Variants in ELAVL3 observed in about 807,000 individuals in gnomAD.
The protein encoded by ELAVL3 is ELAV-like protein 3.
ELAVL3 carries 8 observed loss-of-function variants against 34.2 expected under a neutral mutation model. That is an observed-to-expected ratio of 0.23 (90% CI 0.14 to 0.42). The LOEUF (loss-of-function observed/expected upper bound fraction) is 0.42, where lower values mean the gene tolerates loss of function less well. ELAVL3 is among the 10% of genes least tolerant of loss of function. The pLI is 1.00. For missense variants in ELAVL3, 273 were observed against 518.8 expected, an observed-to-expected ratio of 0.53 and a Z score of 4.60; for synonymous variants, 209 against 222.1, an observed-to-expected ratio of 0.94 and a Z score of 0.53.
rs374418771 is a variant in ELAVL3, at chr19:11,480,356, C to T, written c.9+244G>A. The stretch of plus-strand genomic sequence containing the variant: ...GGGGGCAATCCCGCCTCCAGGGCGG[C>T]GTCGGACGCCTCCCGAATCGCAGTC... On this transcript the variant is annotated intron_variant, in intron 1 of 6. Transcript: ENST00000359227. This position sits in a 1 kb window ranked among gnomAD's most constrained non-coding sequence, Gnocchi z 6.8. 5.1e-5 allele frequency: 21 copies of T among 408,376 alleles called. No homozygotes were observed. In the South Asian group the frequency reaches 1.3e-3, roughly 25 times the overall value. The allele number at this position is 408,376 out of a possible 1,614,324, so 25.3% of individuals were successfully genotyped here. A position where few individuals can be genotyped will look rare whatever the true frequency, so the allele number is the denominator to read the frequency against.
Position 11,461,343 on chromosome 19 carries a change from G to A in ELAVL3, c.334-2732C>T, listed in dbSNP as rs927925074. Among the ~76,000 whole-genome samples, 89 of 152,286 alleles carry A rather than the reference G, an allele frequency of 5.8e-4. 2 individuals are homozygous for A. Among genetic ancestry groups the A allele is most frequent in the Admixed American group, 5.8e-3 (89 of 15,286 alleles). On this transcript the variant is annotated intron_variant, in intron 3 of 6. Coordinates refer to ENST00000359227, the MANE Select transcript of ELAVL3 (RefSeq NM_001420.4). ...TTATCAATGTCCTGGAAGCATGGTA[G>A]GGAAGTCCACCTCTCAAATGCTCAG...
intron 1 of ELAVL3, among the ~76,000 whole-genome samples, chr19:11,467,779 T>C (rs1416712471): frequency 6.6e-6 from 1 of 150,882 alleles, no homozygotes; most frequent in East Asian, 2.0e-4. Context: ...CCACCGCGTC[T>C]GGCCCCATTT....
intron 3 of ELAVL3, among the ~76,000 whole-genome samples, chr19:11,460,938 G>T (rs1159982048): frequency 1.3e-5 from 2 of 149,852 alleles, no homozygotes; most frequent in African/African-American, 2.4e-5. Context: ...GATCAAGGGA[G>T]CCCAGGAGTT....
At chr19:11,470,559 C>A (rs1253681917) in intron 1 of ELAVL3, among the ~76,000 whole-genome samples, 1 of 151,358 alleles carries the variant, frequency 6.6e-6, no homozygotes, top group African/African-American at 2.4e-5. Flanking sequence ...TGTCTGTAAT[C>A]CCAGCTACTC....
rs749161940 is a variant in ELAVL3 at position 11,466,313 on chromosome 19, C to G, written c.230-38G>C. ...CCAGAATGATGACCTTCCCACCCAG[C>G]CTTGACACCTGCCAGTGTCCCACCT... On this transcript the variant is annotated intron_variant, in intron 2 of 6. Transcript: ENST00000359227. This position sits in a 1 kb window ranked among gnomAD's most constrained non-coding sequence, Gnocchi z 5.0. 5 of 1,579,072 alleles carry G rather than the reference C, an allele frequency of 3.2e-6. No homozygotes were observed. Among genetic ancestry groups the G allele is most frequent in the Non-Finnish European group, 4.4e-6 (5 of 1,148,774 alleles).
chr19:11,468,257 T>C (rs981497919), intron 1 of ELAVL3, among the ~76,000 whole-genome samples: 1 of 152,174 alleles, frequency 6.6e-6, no homozygotes, highest in Admixed American at 6.6e-5. Flanking sequence ...ACCCCCAGTT[T>C]TCCCACTGAG....
chr19:11,462,174 C>CAAAAAAA (rs775716481), intron 3 of ELAVL3, among the ~76,000 whole-genome samples: 3 of 73,702 alleles, frequency 4.1e-5, no homozygotes, highest in African/African-American at 9.2e-5. Flanking sequence ...GACTCCGTCT[C>CAAAAAAA]AAAAAAAAAA....
chr19:11,479,129 C>T (rs892444343), intron 1 of ELAVL3, among the ~76,000 whole-genome samples: 7 of 152,142 alleles, frequency 4.6e-5, no homozygotes, highest in East Asian at 1.9e-4. Flanking sequence ...ATGAGAGAAC[C>T]GATCAGAGGA....
Position 11,451,914 on chromosome 19 carries a change from ACGTG to A in ELAVL3, c.*2608_*2611del, listed in dbSNP as rs1312558355. On this transcript the variant is annotated 3_prime_UTR_variant, in exon 7 of 7. Transcript: ENST00000359227. Reference sequence around the variant, plus strand: ...GCCCTGCTGCAAGCTTCCCACGCGGACGTGCGTGTTCCCGAATGCAGAGGGCGGA... The same window carrying A: ...GCCCTGCTGCAAGCTTCCCACGCGGACGTGTTCCCGAATGCAGAGGGCGGA... 6.6e-6 allele frequency: 1 copy of A among 151,922 alleles called. No individual in the cohort carries two copies. The highest frequency in any genetic ancestry group is 1.5e-5 in the Non-Finnish European group (1 of 67,936). 9.4% of individuals were successfully genotyped at this position (151,922 alleles called of 1,614,324 possible). A position where few individuals can be genotyped will look rare whatever the true frequency, so the allele number is the denominator to read the frequency against.
chr19:11,473,739 A>G (rs748344758), intron 1 of ELAVL3, among the ~76,000 whole-genome samples: 3 of 152,244 alleles, frequency 2.0e-5, no homozygotes, highest in Non-Finnish European at 2.9e-5. Flanking sequence ...GGATTTGCAT[A>G]TGAGTTTTTC....
At chr19:11,465,183 C>T (rs1971016619) in intron 3 of ELAVL3, among the ~76,000 whole-genome samples, 2 of 127,712 alleles carry the variant, frequency 1.6e-5, no homozygotes, top group African/African-American at 2.9e-5. Context: ...CACACATACA[C>T]GTAATACACC....
intron 3 of ELAVL3, among the ~76,000 whole-genome samples, chr19:11,462,493 C>T (rs1019251386): frequency 6.3e-4 from 95 of 150,690 alleles, no homozygotes; most frequent in Non-Finnish European, 1.0e-3. Flanking sequence ...AAAAATTAGC[C>T]GGGCGTGGTG....
chr19:11,473,103 C>T (rs1490085639), intron 1 of ELAVL3, among the ~76,000 whole-genome samples: 1 of 150,272 alleles, frequency 6.7e-6, no homozygotes, highest in Non-Finnish European at 1.5e-5. Context: ...CGGTGGCTCA[C>T]ACCTGTAATC....
intron 1 of ELAVL3, among the ~76,000 whole-genome samples, chr19:11,473,251 G>C (rs1177309487): frequency 6.6e-6 from 1 of 151,798 alleles, no homozygotes; most frequent in Non-Finnish European, 1.5e-5. Flanking sequence ...TGTAGTCCCA[G>C]CTACTCCGGA....
chr19:11,470,228 G>A (rs1336853408), intron 1 of ELAVL3, among the ~76,000 whole-genome samples: 1 of 152,062 alleles, frequency 6.6e-6, no homozygotes, highest in African/African-American at 2.4e-5. Context: ...GGTGGCACAC[G>A]CCTGTAATCC....
intron 1 of ELAVL3, among the ~76,000 whole-genome samples, chr19:11,479,260 AC>A (rs1971321586): frequency 1.3e-5 from 2 of 152,170 alleles, no homozygotes; most frequent in African/African-American, 4.8e-5. Context: ...CTGAGGTCAC[AC>A]AGCAGGTGAG....
Position 11,458,250 on chromosome 19 carries a change from T to C in ELAVL3, c.524A>G (p.Lys175Arg). 6.2e-7 allele frequency: 1 copy of C among 1,614,022 alleles called. No individual in the cohort carries two copies. Among genetic ancestry groups the C allele is most frequent in the South Asian group, 1.1e-5 (1 of 91,088 alleles). Residue 175 changes from lysine (K) to arginine (R), a missense_variant, in exon 5 of 7, where the codon AAG becomes AGG. Physicochemically the swap from Lys to Arg is conservative, Grantham distance 26. Around this residue, in one of 4 missense-constraint regions of ELAVL3, gnomAD observed 102 missense variants for 250.1 expected, o/e 0.41. Coordinates refer to ENST00000359227, the MANE Select transcript of ELAVL3 (RefSeq NM_001420.4). This position sits in a 1 kb window ranked among gnomAD's most constrained non-coding sequence, Gnocchi z 7.3. ...SRGVGFIRFD[K>R]RIEAEEAIKG... ...GATAGCCTCTTCGGCCTCAATCCTC[T>C]TGTCAAAGCGGATGAATCCCACACC... is the stretch of plus-strand genomic sequence containing the variant.
Position 11,470,512 on chromosome 19 carries a change from C to CAA in ELAVL3, c.10-3687_10-3686dup, listed in dbSNP as rs56714750. On this transcript the variant is annotated intron_variant, in intron 1 of 6. Transcript: ENST00000359227. ...GAAACCCCGTTTGCTACTAGAAATA[C>CAA]AAAAAAAAAAAAAAATTAGCCGGGC... 5.8e-3 allele frequency among the ~76,000 whole-genome samples: 721 copies of CAA among 124,854 alleles called. 5 individuals are homozygous for CAA. The highest frequency in any genetic ancestry group is 0.016 in the African/African-American group (569 of 35,384). 81.9% of individuals were successfully genotyped at this position (124,854 alleles called of 152,430 possible). A position where few individuals can be genotyped will look rare whatever the true frequency, so the allele number is the denominator to read the frequency against.
chr19:11,467,149 G>A (rs1971070771), intron 1 of ELAVL3, among the ~76,000 whole-genome samples: 3 of 152,156 alleles, frequency 2.0e-5, no homozygotes, highest in Admixed American at 1.3e-4. Flanking sequence ...CACGTCGGGC[G>A]CAGTGGCTCA....
Sources: gnomAD v4.1 joint callset for allele counts (sites outside exome capture counted in the v4.1 genomes callset) on GRCh38, gnomAD v4.1.1 for gene constraint, gnomAD v4.1.1 regional missense constraint, Gnocchi (gnomAD v3.1) non-coding constraint, MANE v1.5 for transcripts, NCBI Gene and HGNC (gene_info 2026-07-23, HGNC 2026-07-21) for gene names.